The following FRMD4B variants were observed in gnomAD, a reference collection of about 807,000 sequenced individuals.
FRMD4B encodes FERM domain containing 4B.
Under a neutral mutation model 141.5 loss-of-function variants are expected in FRMD4B, and 74 were observed. The observed-to-expected ratio is 0.52, with a 90% CI of 0.43 to 0.63. The LOEUF is 0.63. Ranked by LOEUF, FRMD4B falls within the 30% of genes least tolerant of loss-of-function variation. The pLI, the probability that FRMD4B is intolerant of heterozygous loss-of-function variation, is 0.00. For missense variants in FRMD4B, 1,366 were observed against 1,253.4 expected (o/e 1.09, Z -1.36); for synonymous variants, 506 against 467.9 (o/e 1.08, Z -1.05).
chr3:69,293,259 C>T (rs565146675), intron 4 of FRMD4B, among the ~76,000 whole-genome samples: 3 of 150,854 alleles, frequency 2.0e-5, no homozygotes, highest in East Asian at 2.0e-4. Context: ...CCAATATTTT[C>T]GTCTTGTGGT....
intron 1 of FRMD4B, among the ~76,000 whole-genome samples, chr3:69,478,833 G>A (rs1706054767): frequency 6.6e-6 from 1 of 151,730 alleles, no homozygotes; most frequent in Non-Finnish European, 1.5e-5. Context: ...TTATTGTGTG[G>A]GAGTCTAAGT....
intron 2 of FRMD4B, among the ~76,000 whole-genome samples, chr3:69,413,249 G>A (rs963106501): frequency 1.3e-5 from 2 of 152,116 alleles, no homozygotes; most frequent in Non-Finnish European, 2.9e-5. Flanking sequence ...GTGCTTACAT[G>A]TATTATAACT....
chr3:69,524,972 T>C (rs1575600560), intron 1 of FRMD4B, among the ~76,000 whole-genome samples: 1 of 152,306 alleles, frequency 6.6e-6, no homozygotes, highest in Admixed American at 6.5e-5. Context: ...AACTGGACTC[T>C]TTGGTTCAGA....
At chr3:69,227,536 C>T (rs945007046) in intron 7 of FRMD4B, among the ~76,000 whole-genome samples, 1 of 151,968 alleles carries the variant, frequency 6.6e-6, no homozygotes, top group Non-Finnish European at 1.5e-5. Context: ...GTGGCAGACA[C>T]CTGTAATCCC....
At chr3:69,467,945 T>C (rs1705822435) in intron 1 of FRMD4B, among the ~76,000 whole-genome samples, 1 of 152,194 alleles carries the variant, frequency 6.6e-6, no homozygotes, top group Admixed American at 6.5e-5. Context: ...AGGGATACAC[T>C]CACCTGGGCC....
rs1396517664 is a variant in FRMD4B, at chr3:69,420,324, A to G, written c.-1+12310T>C. Among the ~76,000 whole-genome samples the G allele has an allele frequency of 2.0e-5, 3 of 151,036 alleles. No homozygotes were observed. In the East Asian group the frequency reaches 5.9e-4, roughly 30 times the overall value. On this transcript the variant is annotated intron_variant, in intron 2 of 5. Coordinates refer to the FRMD4B transcript ENST00000459638. ...AAAAAAACAACCAAAACAACCCTAC[A>G]TTCTTTTCACCTATGGAACAATCAT...
At chr3:69,329,609 C>G (rs1040576167) in intron 1 of FRMD4B, among the ~76,000 whole-genome samples, 10 of 143,608 alleles carry the variant, frequency 7.0e-5, no homozygotes, top group Non-Finnish European at 1.5e-5. Context: ...CTCACTGCAG[C>G]CTCTGCCTCC....
intron 5 of FRMD4B, among the ~76,000 whole-genome samples, chr3:69,260,734 G>T (rs545221696): frequency 1.0e-3 from 159 of 152,370 alleles, no homozygotes; most frequent in Admixed American, 2.4e-3. Context: ...GTAGGAACTT[G>T]GAGAACTTTT....
chr3:69,461,302 A>G (rs1471949337), intron 1 of FRMD4B, among the ~76,000 whole-genome samples: 2 of 152,184 alleles, frequency 1.3e-5, no homozygotes, highest in Non-Finnish European at 2.9e-5. Flanking sequence ...CAGGCCTGCA[A>G]TCCCAGCACT....
chr3:69,513,189 C>T (rs1706716929), intron 1 of FRMD4B, among the ~76,000 whole-genome samples: 1 of 151,358 alleles, frequency 6.6e-6, no homozygotes, highest in Admixed American at 6.6e-5. Flanking sequence ...AAAGAGAACA[C>T]TCAAAAAACT....
At chr3:69,447,451 T>A (rs967690959) in intron 1 of FRMD4B, among the ~76,000 whole-genome samples, 6 of 152,182 alleles carry the variant, frequency 3.9e-5, no homozygotes, top group Non-Finnish European at 8.8e-5. Context: ...GTATAACATA[T>A]ATACACAATA....
chr3:69,469,340 A>AAAAC (rs1705848923), intron 1 of FRMD4B, among the ~76,000 whole-genome samples: 1 of 152,232 alleles, frequency 6.6e-6, no homozygotes, highest in Admixed American at 6.5e-5. Flanking sequence ...CTCTTTAATT[A>AAAAC]AAACAACTCA....
At position 69,342,878 on chromosome 3, in the gene FRMD4B, C is replaced by T. The variant is rs1389458004; in HGVS notation, c.163-29361G>A. Reference sequence around the variant, plus strand: ...TCCTGTCTAGCTGTAATTTTGCATCCTTTAACAAACACTAGAGGCTAGGAA... The same window carrying T: ...TCCTGTCTAGCTGTAATTTTGCATCTTTTAACAAACACTAGAGGCTAGGAA... On this transcript the variant is annotated intron_variant, in intron 1 of 22. Transcript: ENST00000398540. Among the ~76,000 whole-genome samples, 4 of 152,086 alleles carry T rather than the reference C, an allele frequency of 2.6e-5. No individual in the cohort carries two copies. The East Asian group carries it at 7.7e-4, about 29-fold the overall frequency.
chr3:69,339,788 G>A (rs1702673648), intron 1 of FRMD4B, among the ~76,000 whole-genome samples: 1 of 152,138 alleles, frequency 6.6e-6, no homozygotes, highest in Non-Finnish European at 1.5e-5. Context: ...TTAAATTGAT[G>A]TGAAATAATC....
In FRMD4B at chr3:69,168,946, G is replaced by T. The variant is rs1432784899; in HGVS notation, c.*2915C>A. On this transcript the variant is annotated 3_prime_UTR_variant, in exon 23 of 23. Transcript: ENST00000398540. ...GTTAAACATATATCTTTATGAGGTA[G>T]ATCAGTATGTCTTGATACAGAGGCC... Among the ~76,000 whole-genome samples, 1 of 151,998 alleles carries T rather than the reference G, an allele frequency of 6.6e-6. No homozygotes were observed. The highest frequency in any genetic ancestry group is 1.5e-5 in the Non-Finnish European group (1 of 67,996).
chr3:69,435,196 A>T (rs766189294), intron 1 of FRMD4B, among the ~76,000 whole-genome samples: 30 of 152,200 alleles, frequency 2.0e-4, no homozygotes, highest in Admixed American at 2.6e-4. Context: ...TTCAGCCCAT[A>T]ACACTCACCA....
At chr3:69,298,858 A>C (rs1382462022) in intron 4 of FRMD4B, among the ~76,000 whole-genome samples, 1 of 151,812 alleles carries the variant, frequency 6.6e-6, no homozygotes, top group East Asian at 1.9e-4. Flanking sequence ...CACATAAGAT[A>C]CTTTGCAGGT....
At chr3:69,406,277 T>C (rs1704648372) in intron 2 of FRMD4B, among the ~76,000 whole-genome samples, 1 of 152,208 alleles carries the variant, frequency 6.6e-6, no homozygotes, top group Non-Finnish European at 1.5e-5. Flanking sequence ...TAATGAACAA[T>C]GGCTCTTGGA....
intron 2 of FRMD4B, among the ~76,000 whole-genome samples, chr3:69,408,061 G>A (rs1382909077): frequency 6.6e-6 from 1 of 152,142 alleles, no homozygotes; most frequent in Non-Finnish European, 1.5e-5. Flanking sequence ...GAAAGCAGCC[G>A]AGACAATGCA....
Sources: allele counts gnomAD v4.1 joint callset (sites outside exome capture counted in the v4.1 genomes callset), GRCh38; gene constraint gnomAD v4.1.1; transcripts MANE v1.5; gene names NCBI Gene and HGNC (gene_info 2026-07-23, HGNC 2026-07-21).